TMIGD3: variants seen among roughly 807,000 people sequenced by gnomAD.
TMIGD3 encodes AD026 protein (AD026).
Under a neutral mutation model 28.1 loss-of-function variants are expected in TMIGD3, and 21 were observed. The ratio of observed to expected loss-of-function variants is 0.75; its 90% CI spans 0.53 to 1.08. The LOEUF (loss-of-function observed/expected upper bound fraction) is 1.08. TMIGD3 is among the 50% of genes least tolerant of loss of function. TMIGD3 has a pLI of 0.00. For missense variants in TMIGD3, 416 were observed against 435.6 expected (o/e 0.96, Z 0.40); for synonymous variants, 151 against 162.1 (o/e 0.93, Z 0.52).
chr1:111,519,929 G>A (rs923267152), intron 1 of TMIGD3, among the ~76,000 whole-genome samples: 5 of 152,056 alleles, frequency 3.3e-5, no homozygotes, highest in African/African-American at 4.8e-5. Flanking sequence ...CTGACCTCAG[G>A]TGATCCACCT....
intron 1 of TMIGD3, among the ~76,000 whole-genome samples, chr1:111,520,035 G>A (rs765469515): frequency 3.8e-4 from 58 of 152,200 alleles, no homozygotes; most frequent in Non-Finnish European, 6.9e-4. Flanking sequence ...ACACAGACCC[G>A]GTTAACCACT....
chr1:111,536,971 G>GAA (rs1198507292), intron 1 of TMIGD3, among the ~76,000 whole-genome samples: 1 of 152,212 alleles, frequency 6.6e-6, no homozygotes, highest in Non-Finnish European at 1.5e-5. Context: ...ATGCCATCAG[G>GAA]AAGTCTGCAG....
chr1:111,518,772 G>A (rs1003445395), intron 1 of TMIGD3, among the ~76,000 whole-genome samples: 17 of 152,142 alleles, frequency 1.1e-4, no homozygotes, highest in African/African-American at 4.1e-4. Flanking sequence ...TACCATTAAT[G>A]CATTCTGATT....
chr1:111,497,264 C>G (rs2032007), intron 1 of TMIGD3, among the ~76,000 whole-genome samples: 121,262 of 152,054 alleles, frequency 0.8, 48,376 homozygotes, highest in Middle Eastern at 0.89. Context: ...CTGCCCGCCA[C>G]CACGCCCGGC....
chr1:111,544,826 G>T (rs1171414077), intron 1 of TMIGD3, among the ~76,000 whole-genome samples: 1 of 116,874 alleles, frequency 8.6e-6, no homozygotes. Flanking sequence ...AATTTCTTGG[G>T]TATATCCAAT....
rs766495105 is a variant in TMIGD3 at position 111,503,340 on chromosome 1, G to T, written c.15C>A (p.Ser5Arg). 2 of 1,610,390 alleles carry T rather than the reference G, an allele frequency of 1.2e-6. No homozygotes were observed. Among genetic ancestry groups the T allele is most frequent in the African/African-American group, 2.7e-5 (2 of 74,880 alleles). Reference protein sequence around the residue: MPNNSTALSLANVTY... With the variant: MPNNRTALSLANVTY... ...TAACATTGGCCAATGACAGAGCAGT[G>T]CTGTTGTTGGGCATCTTGCCTTCCC... Residue 5 changes from serine (S) to arginine (R), a missense_variant, in exon 1 of 6, where the codon AGC (serine) becomes AGA (arginine). Ser to Arg is a moderately radical substitution (Grantham distance 110). Coordinates refer to ENST00000369716, the MANE Select transcript of TMIGD3 (RefSeq NM_020683.7).
chr1:111,514,669 T>A (rs1655802648), intron 1 of TMIGD3, among the ~76,000 whole-genome samples: 1 of 110,124 alleles, frequency 9.1e-6, no homozygotes, highest in Non-Finnish European at 1.9e-5. Flanking sequence ...CACACACACA[T>A]CATACCATGC....
chr1:111,505,118 C>A (rs751504083), upstream of TMIGD3: 275 of 202,248 alleles, frequency 1.4e-3, no homozygotes, highest in Middle Eastern at 0.01. Flanking sequence ...GGAGGCAGCA[C>A]TCTGCCAAAA....
intron 1 of TMIGD3, among the ~76,000 whole-genome samples, chr1:111,555,223 G>C (rs1657435357): frequency 6.6e-6 from 1 of 151,790 alleles, no homozygotes; most frequent in African/African-American, 2.4e-5. Context: ...AAAACTAGCT[G>C]AGTGTGGTGG....
At chr1:111,554,676 C>A (rs1214448700) in intron 1 of TMIGD3, among the ~76,000 whole-genome samples, 2 of 152,072 alleles carry the variant, frequency 1.3e-5, no homozygotes, top group Non-Finnish European at 2.9e-5. Flanking sequence ...GTACAAGGTC[C>A]AAAAGTCTTC....
intron 1 of TMIGD3, among the ~76,000 whole-genome samples, chr1:111,499,177 C>A (rs1655033104): frequency 6.6e-6 from 1 of 151,646 alleles, no homozygotes; most frequent in Admixed American, 6.6e-5. Flanking sequence ...TTTTGCCCTA[C>A]CCCCACTACT....
upstream of TMIGD3, among the ~76,000 whole-genome samples, chr1:111,505,197 C>T (rs2100988034): frequency 6.7e-6 from 1 of 150,274 alleles, no homozygotes; most frequent in East Asian, 2.0e-4. Context: ...TTAAATACTG[C>T]AAAAAACCCT....
upstream of TMIGD3, among the ~76,000 whole-genome samples, chr1:111,506,126 C>T (rs984548983): frequency 1.3e-5 from 2 of 152,220 alleles, no homozygotes; most frequent in South Asian, 4.1e-4. Flanking sequence ...TTCACCTCTC[C>T]TCTGGGACCA....
intron 1 of TMIGD3, among the ~76,000 whole-genome samples, chr1:111,515,750 C>A (rs1655840653): frequency 1.3e-5 from 2 of 152,196 alleles, no homozygotes; most frequent in African/African-American, 4.8e-5. Flanking sequence ...TGCTCTACTG[C>A]GGCTGGTGGA....
chr1:111,511,338 C>G (rs1048280863), intron 1 of TMIGD3, among the ~76,000 whole-genome samples: 6 of 152,284 alleles, frequency 3.9e-5, no homozygotes, highest in African/African-American at 1.4e-4. Context: ...ACAGAAGAAA[C>G]CTGCAATAAA....
At chr1:111,486,101 C>G (rs747190763) in intron 4 of TMIGD3, among the ~76,000 whole-genome samples, 3 of 152,108 alleles carry the variant, frequency 2.0e-5, no homozygotes, top group African/African-American at 7.2e-5. Flanking sequence ...AATCCAGTCT[C>G]AGACTGGCCA....
intron 1 of TMIGD3, among the ~76,000 whole-genome samples, chr1:111,510,952 A>C (rs1655669271): frequency 6.6e-6 from 1 of 152,162 alleles, no homozygotes; most frequent in African/African-American, 2.4e-5. Context: ...TGAGTCTTTT[A>C]ATACAGCACT....
chr1:111,487,036 C>T (rs1654411201), intron 3 of TMIGD3, among the ~76,000 whole-genome samples: 1 of 152,194 alleles, frequency 6.6e-6, no homozygotes, highest in African/African-American at 2.4e-5. Flanking sequence ...CACAAGAGGG[C>T]CAATCCTATC....
At chr1:111,499,935 A>T in intron 1 of TMIGD3, 6 of 1,611,312 alleles carry the variant, frequency 3.7e-6, no homozygotes, top group Non-Finnish European at 5.1e-6. Context: ...AGACAGAGTC[A>T]TCTCTGATGG....
Sources: gnomAD v4.1 joint callset for allele counts (sites outside exome capture counted in the v4.1 genomes callset) on GRCh38, gnomAD v4.1.1 for gene constraint, MANE v1.5 for transcripts, NCBI Gene and HGNC (gene_info 2026-07-23, HGNC 2026-07-21) for gene names.